LINGO2: variants seen among roughly 807,000 people sequenced by gnomAD.
The protein encoded by LINGO2 is leucine-rich repeat and immunoglobulin-like domain-containing nogo receptor-interacting protein 2.
A neutral mutation model predicts 30.6 loss-of-function variants in LINGO2; 14 were observed. The ratio of observed to expected loss-of-function variants is 0.46; its 90% CI spans 0.30 to 0.72. The LOEUF (loss-of-function observed/expected upper bound fraction) is 0.72, where lower values mean the gene tolerates loss of function less well. LINGO2 is among the 30% of genes least tolerant of loss of function. The pLI, the probability that LINGO2 is intolerant of heterozygous loss-of-function variation, is 0.07. For missense variants in LINGO2, 729 were observed against 751.7 expected (o/e 0.97, Z 0.35); for synonymous variants, 317 against 288.5 (o/e 1.10, Z -1.00).
At chr9:28,325,432 G>C (rs1255018675) in intron 3 of LINGO2, among the ~76,000 whole-genome samples, 1 of 151,918 alleles carries the variant, frequency 6.6e-6, no homozygotes, top group Non-Finnish European at 1.5e-5. Flanking sequence ...AAACACACAC[G>C]GTCTGATATG....
chr9:27,999,435 T>TGAGAGAGAGA (rs1156717819), intron 5 of LINGO2, among the ~76,000 whole-genome samples: 142 of 103,000 alleles, frequency 1.4e-3, no homozygotes, highest in African/African-American at 5.1e-3. Flanking sequence ...TGCCTAATCT[T>TGAGAGAGAGA]CAGAGAGAGA....
chr9:28,596,979 A>G (rs1170284608), intron 1 of LINGO2, among the ~76,000 whole-genome samples: 21 of 152,148 alleles, frequency 1.4e-4, no homozygotes, highest in Admixed American at 1.4e-3. Flanking sequence ...AAAAAGACAA[A>G]TACGTCTATC....
chr9:28,335,054 G>A lies in LINGO2; in HGVS notation c.-246+37782C>T, dbSNP rs75410049. 6.1e-3 allele frequency among the ~76,000 whole-genome samples: 923 copies of A among 152,246 alleles called. 58 individuals are homozygous for A. The East Asian group carries it at 0.14, about 23-fold the overall frequency. On this transcript the variant is annotated intron_variant, in intron 3 of 5. Transcript: ENST00000379992. Reference sequence around the variant, plus strand: ...TCTTGCCTATCCATATTGGTGGAATGAGGTTCATATTCACTACAATTATAA... The same window carrying A: ...TCTTGCCTATCCATATTGGTGGAATAAGGTTCATATTCACTACAATTATAA...
At chr9:27,972,271 C>T (rs923647324) in intron 5 of LINGO2, among the ~76,000 whole-genome samples, 2 of 152,012 alleles carry the variant, frequency 1.3e-5, no homozygotes, top group Non-Finnish European at 2.9e-5. Flanking sequence ...AGCTGGGTTC[C>T]GGTAACTGAA....
the LINGO2 span, among the ~76,000 whole-genome samples, chr9:28,989,056 G>A: frequency 6.6e-6 from 1 of 152,072 alleles, no homozygotes; most frequent in Non-Finnish European, 1.5e-5. Flanking sequence ...CTCATGCAGT[G>A]CAGTGGAACA....
chr9:29,088,383 T>C, the LINGO2 span, among the ~76,000 whole-genome samples: 1 of 152,090 alleles, frequency 6.6e-6, no homozygotes, highest in East Asian at 1.9e-4. Flanking sequence ...TGGCCAAGGC[T>C]TACCCTAAAG....
chr9:28,159,692 A>T (rs1214030888), intron 4 of LINGO2, among the ~76,000 whole-genome samples: 2 of 152,208 alleles, frequency 1.3e-5, no homozygotes, highest in African/African-American at 4.8e-5. Context: ...ATTCCTTTAT[A>T]GTCTTCTGAG....
At chr9:28,632,873 TATATATGTAGAGAGAGAGAGAG>T (rs1827057330) in intron 1 of LINGO2, among the ~76,000 whole-genome samples, 7 of 100,526 alleles carry the variant, frequency 7.0e-5, no homozygotes, top group African/African-American at 2.8e-4. Context: ...TATATATATA[TATATATGTAGAGAGAGAGAGAG>T]AGAGAGAGAG....
At chr9:28,870,750 CTAAT>C in the LINGO2 span, among the ~76,000 whole-genome samples, 2 of 151,954 alleles carry the variant, frequency 1.3e-5, no homozygotes, top group Non-Finnish European at 2.9e-5. Context: ...GAAAAGTAAA[CTAAT>C]TATTTGAACT....
chr9:28,124,796 A>T (rs1204741527), intron 4 of LINGO2, among the ~76,000 whole-genome samples: 1 of 152,224 alleles, frequency 6.6e-6, no homozygotes, highest in Non-Finnish European at 1.5e-5. Flanking sequence ...ACAGGAAGAA[A>T]AGGAAAGCTC....
At chr9:29,074,097 C>T in the LINGO2 span, among the ~76,000 whole-genome samples, 76 of 151,882 alleles carry the variant, frequency 5.0e-4, no homozygotes, top group East Asian at 0.012. Context: ...TCAATTGTTC[C>T]AAGAAAGATA....
intron 4 of LINGO2, among the ~76,000 whole-genome samples, chr9:28,040,036 T>C (rs1198024633): frequency 1.3e-5 from 2 of 152,204 alleles, no homozygotes; most frequent in African/African-American, 4.8e-5. Flanking sequence ...TGAGATAAGG[T>C]GAACTATTTT....
At chr9:28,404,900 TTG>T (rs60281661) in intron 2 of LINGO2, among the ~76,000 whole-genome samples, 33 of 102,518 alleles carry the variant, frequency 3.2e-4, no homozygotes, top group Middle Eastern at 5.0e-3. Context: ...CTCAGCCGCT[TTG>T]TGTGTGTGTG....
the LINGO2 span, among the ~76,000 whole-genome samples, chr9:29,083,421 T>C: frequency 0.2 from 29,982 of 151,772 alleles, 3,104 homozygotes; most frequent in African/African-American, 0.24. Flanking sequence ...CATCACACAC[T>C]GGGGCCTGTT....
chr9:28,055,733 T>C (rs139704718), intron 4 of LINGO2, among the ~76,000 whole-genome samples: 2 of 152,308 alleles, frequency 1.3e-5, no homozygotes, highest in East Asian at 3.9e-4. Context: ...AGATATGTAC[T>C]CAAAGACAAG....
the LINGO2 span, among the ~76,000 whole-genome samples, chr9:28,925,203 C>A: frequency 3.9e-5 from 6 of 152,172 alleles, no homozygotes; most frequent in African/African-American, 1.4e-4. Flanking sequence ...AACCCTTCCC[C>A]AGAGAAAAGT....
At chr9:28,737,133 G>A in the LINGO2 span, among the ~76,000 whole-genome samples, 2 of 152,146 alleles carry the variant, frequency 1.3e-5, no homozygotes, top group East Asian at 3.9e-4. Flanking sequence ...TTTTACTCTT[G>A]CTTTCCTGAG....
At chr9:28,120,714 T>A (rs150953534) in intron 4 of LINGO2, among the ~76,000 whole-genome samples, 1 of 152,130 alleles carries the variant, frequency 6.6e-6, no homozygotes, top group Non-Finnish European at 1.5e-5. Flanking sequence ...ATGAGTGTAG[T>A]TCCTTGTTAA....
At chr9:28,478,365 T>C (rs546193154) in intron 1 of LINGO2, among the ~76,000 whole-genome samples, 1 of 152,250 alleles carries the variant, frequency 6.6e-6, no homozygotes, top group East Asian at 1.9e-4. Flanking sequence ...AAAGCATTGC[T>C]TCTCAAGCTT....
Sources: allele counts gnomAD v4.1 joint callset (sites outside exome capture counted in the v4.1 genomes callset), GRCh38; gene constraint gnomAD v4.1.1; transcripts MANE v1.5; gene names NCBI Gene and HGNC (gene_info 2026-07-23, HGNC 2026-07-21).